The following UGGT2 variants were observed in gnomAD, a reference collection of about 807,000 sequenced individuals.
UGGT2 encodes the protein UDP-glucose:glycoprotein glucosyltransferase 2.
Under a neutral mutation model 192.1 loss-of-function variants are expected in UGGT2, and 180 were observed. The ratio of observed to expected loss-of-function variants is 0.94; its 90% CI spans 0.83 to 1.06. The LOEUF is 1.06. Ranked by LOEUF, UGGT2 falls within the 50% of genes least tolerant of loss-of-function variation. The pLI, the probability that UGGT2 is intolerant of heterozygous loss-of-function variation, is 0.00. For synonymous variants in UGGT2, 580 were observed against 591.0 expected (o/e 0.98, Z 0.27); for missense variants, 1,849 against 1,795.7 (o/e 1.03, Z -0.54).
At chr13:95,883,597 G>A (rs1404804021) in intron 27 of UGGT2, among the ~76,000 whole-genome samples, 1 of 152,046 alleles carries the variant, frequency 6.6e-6, no homozygotes, top group East Asian at 1.9e-4. Context: ...GTGTTAAAGT[G>A]TGTGGCACTC....
chr13:95,924,645 T>C (rs971445443), intron 20 of UGGT2, among the ~76,000 whole-genome samples: 5 of 152,182 alleles, frequency 3.3e-5, no homozygotes, highest in South Asian at 2.1e-4. Context: ...AAACACTGTG[T>C]GTAACTTTTG....
At chr13:95,950,745 T>C (rs2050035284) in intron 12 of UGGT2, among the ~76,000 whole-genome samples, 1 of 151,984 alleles carries the variant, frequency 6.6e-6, no homozygotes, top group East Asian at 1.9e-4. Flanking sequence ...CAAAGAGATA[T>C]TTAAGGTTTT....
chr13:95,938,901 T>C (rs143517361), intron 16 of UGGT2, among the ~76,000 whole-genome samples: 5 of 152,250 alleles, frequency 3.3e-5, no homozygotes, highest in African/African-American at 1.2e-4. Flanking sequence ...CACCTTATGT[T>C]TCCTAATACA....
At chr13:95,841,967 A>T (rs915273983) in intron 36 of UGGT2, among the ~76,000 whole-genome samples, 3 of 152,194 alleles carry the variant, frequency 2.0e-5, no homozygotes, top group Non-Finnish European at 4.4e-5. Flanking sequence ...GTTGTCTTGG[A>T]ATGCTTGACA....
chr13:95,983,783 A>T lies in UGGT2; in HGVS notation c.1092+21T>A, dbSNP rs766732167. The T allele has an allele frequency of 2.1e-5, 32 of 1,492,970 alleles. No individual in the cohort carries two copies. The African/African-American group carries it at 4.2e-4, about 20-fold the overall frequency. The allele number at this position is 1,492,970 out of a possible 1,614,324, so 92.5% of individuals were successfully genotyped here. A position where few individuals can be genotyped will look rare whatever the true frequency, so the allele number is the denominator to read the frequency against. On this transcript the variant is annotated intron_variant, in intron 10 of 38. Coordinates refer to ENST00000376747, the MANE Select transcript of UGGT2 (RefSeq NM_020121.4). ...GTGATATTAGTTGGGTAAATGTTTT[A>T]AAAAAGGAATTCAAACAAACCTTTT...
At chr13:95,960,941 C>T (rs1349298894) in intron 12 of UGGT2, among the ~76,000 whole-genome samples, 2 of 152,052 alleles carry the variant, frequency 1.3e-5, no homozygotes, top group Non-Finnish European at 2.9e-5. Context: ...GCAAAGTTAT[C>T]CTTCATAAAT....
At chr13:96,032,324 T>C (rs1201326048) in intron 1 of UGGT2, among the ~76,000 whole-genome samples, 1 of 152,008 alleles carries the variant, frequency 6.6e-6, no homozygotes, top group Non-Finnish European at 1.5e-5. Context: ...AGATAGAACA[T>C]TATATAAAGG....
intron 22 of UGGT2, 94 bp from the exon 23 acceptor site, chr13:95,895,398 G>T: frequency 2.5e-6 from 2 of 790,932 alleles, no homozygotes; most frequent in Non-Finnish European, 1.8e-6. Flanking sequence ...TCTTTATTAA[G>T]CAAAAATGAA....
At position 95,884,640 on chromosome 13, in the gene UGGT2, C is replaced by G. The variant is rs2047593335; in HGVS notation, c.3079G>C (p.Ala1027Pro). Residue 1027 changes from alanine to proline, a missense_variant, in exon 27 of 39, where the codon GCT becomes CCT. By Grantham distance (27) the Ala-to-Pro change is conservative. Coordinates refer to ENST00000376747, the MANE Select transcript of UGGT2 (RefSeq NM_020121.4). ...GGTCCAAGAGAAGAAACGTCATTAG[C>G]CCCTGACATCAGTTCTGGTTCCAGA... is the stretch of plus-strand genomic sequence containing the variant. The part of the protein sequence containing the change: ...FVLEPELMSG[A>P]NDVSSLGPVA... The G allele has an allele frequency of 6.2e-7, 1 of 1,613,668 alleles. No homozygotes were observed. The highest frequency in any genetic ancestry group is 1.3e-5 in the African/African-American group (1 of 74,996).
intron 2 of UGGT2, among the ~76,000 whole-genome samples, chr13:96,025,814 A>C (rs927229062): frequency 1.3e-5 from 2 of 152,378 alleles, no homozygotes; most frequent in African/African-American, 4.8e-5. Context: ...AGAACTAGAA[A>C]GAAAATAATA....
intron 17 of UGGT2, among the ~76,000 whole-genome samples, chr13:95,932,023 T>A (rs2049298401): frequency 6.6e-6 from 1 of 152,224 alleles, no homozygotes; most frequent in Non-Finnish European, 1.5e-5. Flanking sequence ...TTCTTTTTCT[T>A]GGAATTGCCT....
At chr13:95,820,567 G>A (rs924797815) in intron 38 of UGGT2, among the ~76,000 whole-genome samples, 2 of 152,110 alleles carry the variant, frequency 1.3e-5, no homozygotes, top group Admixed American at 1.3e-4. Context: ...GCACATATAA[G>A]AATAATAGGT....
chr13:96,019,571 A>G (rs1403671936), intron 4 of UGGT2, among the ~76,000 whole-genome samples: 4 of 152,098 alleles, frequency 2.6e-5, no homozygotes, highest in African/African-American at 4.8e-5. Flanking sequence ...CTCTATTCAC[A>G]CTTATCAGGG....
At position 95,927,329 on chromosome 13, in the gene UGGT2, A is replaced by T. The variant is rs767792520; in HGVS notation, c.1985T>A (p.Leu662Ter). 2 of 1,601,644 alleles carry T rather than the reference A, an allele frequency of 1.2e-6. No individual in the cohort carries two copies. The highest frequency in any genetic ancestry group is 1.7e-6 in the Non-Finnish European group (2 of 1,176,794). The change falls in exon 18 of 39, where the codon TTA becomes TAA. Residue 662 changes from leucine to a stop codon, truncating the protein, a stop_gained. Transcript: ENST00000376747. LOFTEE classifies it high-confidence loss of function. ...ATCAATTGCATTCGTGCGATCATTT[A>T]ATGTGCCCTAAAAAAACAAAAATGT... ...YLQREVFLGT[L>*]NDRTNAIDFL...
chr13:96,014,174 T>C (rs2052254401), intron 4 of UGGT2, among the ~76,000 whole-genome samples: 1 of 152,200 alleles, frequency 6.6e-6, no homozygotes, highest in Non-Finnish European at 1.5e-5. Flanking sequence ...AGCCCATATG[T>C]TTTGGCAATT....
rs1248404336 is a variant in UGGT2, at chr13:95,949,349, T to G, written c.1441A>C (p.Asn481His). The G allele has an allele frequency of 3.2e-6, 5 of 1,554,578 alleles. No homozygotes were observed. In the Admixed American group the frequency reaches 9.4e-5, roughly 29 times the overall value. The change falls in exon 13 of 39, where the codon AAT becomes CAT. Residue 481 changes from asparagine (N) to histidine (H), a missense_variant. Coordinates refer to ENST00000376747, the MANE Select transcript of UGGT2 (RefSeq NM_020121.4). ...FPGSVPSIRR[N>H]FHNLVLFIDP... Reference sequence around the variant, plus strand: ...ATAAAACTCACCAAATTATGAAAATTGCGCCTTATGGAAGGTACACTTCCA... The same window carrying G: ...ATAAAACTCACCAAATTATGAAAATGGCGCCTTATGGAAGGTACACTTCCA...
chr13:96,025,845 T>C (rs1242649202), intron 2 of UGGT2, among the ~76,000 whole-genome samples: 2 of 151,876 alleles, frequency 1.3e-5, no homozygotes, highest in African/African-American at 2.4e-5. Flanking sequence ...CAGATTAAAT[T>C]AGAAGGAGCA....
Position 95,932,311 on chromosome 13 carries a change from T to TTGTGTGTGTGTGTG in UGGT2, c.1977+4599_1977+4612dup, listed in dbSNP as rs67135742. ...TTAGCTGTATTCCTAGGTATTTTAT[T>TTGTGTGTGTGTGTG]TGTGTGTGTGTGTGTGTGTGTGTGT... On this transcript the variant is annotated intron_variant, in intron 17 of 38. Coordinates refer to ENST00000376747, the MANE Select transcript of UGGT2 (RefSeq NM_020121.4). Among the ~76,000 whole-genome samples the TTGTGTGTGTGTGTG allele has an allele frequency of 6.5e-3, 904 of 139,490 alleles. 8 individuals carry two copies. The highest frequency in any genetic ancestry group is 0.011 in the African/African-American group (395 of 36,698). 91.5% of individuals were successfully genotyped at this position (139,490 alleles called of 152,430 possible).
At chr13:95,927,154 T>A (rs1486755189) in intron 18 of UGGT2, 28 bp from the exon 19 acceptor site, 1 of 1,605,062 alleles carries the variant, frequency 6.2e-7, no homozygotes, top group African/African-American at 1.3e-5. Context: ...AAACGTTAAA[T>A]ATAAATAAAG....
Sources: gnomAD v4.1 joint callset for allele counts (sites outside exome capture counted in the v4.1 genomes callset) on GRCh38, gnomAD v4.1.1 for gene constraint, MANE v1.5 for transcripts, NCBI Gene and HGNC (gene_info 2026-07-23, HGNC 2026-07-21) for gene names.